The following CNTNAP2 variants were observed in gnomAD, a reference collection of about 807,000 sequenced individuals.
The protein encoded by CNTNAP2 is contactin associated protein 2.
A neutral mutation model predicts 155.2 loss-of-function variants in CNTNAP2; 98 were observed. The ratio of observed to expected loss-of-function variants is 0.63; its 90% CI spans 0.54 to 0.75. The LOEUF (loss-of-function observed/expected upper bound fraction) is 0.75. CNTNAP2 is among the 30% of genes least tolerant of loss of function. The probability of loss-of-function intolerance (pLI) is 0.00; values close to 1 mark genes in which losing one functional copy is unlikely to be tolerated. For missense variants in CNTNAP2, 1,727 were observed against 1,688.1 expected (o/e 1.02, Z -0.40); for synonymous variants, 651 against 631.2 (o/e 1.03, Z -0.47).
intron 20 of CNTNAP2, among the ~76,000 whole-genome samples, chr7:148,229,983 TA>T (rs1795929768): frequency 6.6e-6 from 1 of 152,202 alleles, no homozygotes; most frequent in South Asian, 2.1e-4. Context: ...AGACATCTTT[TA>T]GGGGGAAATA....
At chr7:148,240,044 C>T (rs576461710) in intron 20 of CNTNAP2, among the ~76,000 whole-genome samples, 2 of 152,192 alleles carry the variant, frequency 1.3e-5, no homozygotes, top group Non-Finnish European at 2.9e-5. Flanking sequence ...TTTCTGAAGC[C>T]TGATTTGGAT....
chr7:147,065,009 T>C (rs940138084), intron 4 of CNTNAP2, among the ~76,000 whole-genome samples: 1 of 152,190 alleles, frequency 6.6e-6, no homozygotes, highest in African/African-American at 2.4e-5. Flanking sequence ...AAATCTGTTC[T>C]ATACATGTTT....
chr7:147,783,124 G>T (rs1174037125), intron 13 of CNTNAP2, among the ~76,000 whole-genome samples: 1 of 152,088 alleles, frequency 6.6e-6, no homozygotes, highest in Non-Finnish European at 1.5e-5. Context: ...TCCCTAGTGT[G>T]AAATCAAGAA....
At chr7:146,618,102 C>T (rs746557324) in intron 1 of CNTNAP2, among the ~76,000 whole-genome samples, 2 of 152,090 alleles carry the variant, frequency 1.3e-5, no homozygotes, top group Non-Finnish European at 2.9e-5. Flanking sequence ...TTCATCATTC[C>T]TTGAATCTTC....
At chr7:147,218,568 G>GT (rs35726360) in intron 8 of CNTNAP2, among the ~76,000 whole-genome samples, 2,560 of 148,792 alleles carry the variant, frequency 0.017, 26 homozygotes, top group South Asian at 0.047. Flanking sequence ...ATTTTTTTCT[G>GT]TTTTTTTTTT....
chr7:147,088,446 A>G (rs376644061), intron 4 of CNTNAP2, among the ~76,000 whole-genome samples: 1 of 152,216 alleles, frequency 6.6e-6, no homozygotes, highest in African/African-American at 2.4e-5. Context: ...TTGAGGTTAC[A>G]ATCAGTTTAA....
At chr7:146,988,520 A>G (rs1425974733) in intron 3 of CNTNAP2, among the ~76,000 whole-genome samples, 4 of 152,130 alleles carry the variant, frequency 2.6e-5, no homozygotes, top group Admixed American at 2.6e-4. Context: ...GTATGATTCG[A>G]GATTTCACTA....
intron 1 of CNTNAP2, among the ~76,000 whole-genome samples, chr7:146,125,432 C>T (rs1797619833): frequency 6.6e-6 from 1 of 151,476 alleles, no homozygotes; most frequent in South Asian, 2.1e-4. Context: ...AAAAATTAGC[C>T]GGGCGTTGTG....
chr7:147,637,293 T>C (rs529775231), intron 12 of CNTNAP2, among the ~76,000 whole-genome samples: 28 of 152,042 alleles, frequency 1.8e-4, no homozygotes, highest in Non-Finnish European at 4.0e-4. Context: ...TTAACCCTAG[T>C]AGTGGTGGTG....
intron 3 of CNTNAP2, among the ~76,000 whole-genome samples, chr7:146,885,876 A>G (rs1795646131): frequency 6.6e-6 from 1 of 151,750 alleles, no homozygotes; most frequent in African/African-American, 2.4e-5. Context: ...TTTGCACAGG[A>G]TAGAACTTGT....
chr7:147,067,087 C>T (rs1799794278), intron 4 of CNTNAP2, among the ~76,000 whole-genome samples: 1 of 151,952 alleles, frequency 6.6e-6, no homozygotes, highest in Non-Finnish European at 1.5e-5. Flanking sequence ...GGTCAAGAGA[C>T]CGAGGCCATC....
chr7:146,985,918 A>G (rs1410090871), intron 3 of CNTNAP2, among the ~76,000 whole-genome samples: 1 of 152,108 alleles, frequency 6.6e-6, no homozygotes, highest in Non-Finnish European at 1.5e-5. Flanking sequence ...TGTTTTTAAA[A>G]TCTTAATTAT....
intron 3 of CNTNAP2, among the ~76,000 whole-genome samples, chr7:146,926,350 T>C (rs890357133): frequency 1.1e-4 from 17 of 152,144 alleles, no homozygotes; most frequent in African/African-American, 4.1e-4. Context: ...CTTTAGTCTG[T>C]TTTTAGCTGT....
At position 148,311,271 on chromosome 7, in the gene CNTNAP2, A is replaced by C. The variant is rs1797590133; in HGVS notation, c.3475+44145A>C. ...AGGAAGTCTGGAGGTGTAGGGAGAC[A>C]GGAGGTGTTGCCTAGTCTGCATGTA... is the stretch of plus-strand genomic sequence containing the variant. On this transcript the variant is annotated intron_variant, in intron 21 of 23. Transcript: ENST00000361727. Among the ~76,000 whole-genome samples the C allele has an allele frequency of 2.0e-5, 3 of 152,136 alleles. No homozygotes were observed. In the South Asian group the frequency reaches 6.2e-4, roughly 32 times the overall value.
Position 146,907,300 on chromosome 7 carries a change from C to T in CNTNAP2, c.402+67396C>T, listed in dbSNP as rs1378401199. Among the ~76,000 whole-genome samples the T allele has an allele frequency of 1.3e-3, 185 of 143,940 alleles. 1 individual carries two copies. Among genetic ancestry groups the T allele is most frequent in the African/African-American group, 3.0e-3 (115 of 38,386 alleles). 94.4% of individuals were successfully genotyped at this position (143,940 alleles called of 152,430 possible). A position where few individuals can be genotyped will look rare whatever the true frequency, so the allele number is the denominator to read the frequency against. Reference sequence around the variant, plus strand: ...GTTCAGATTCAGGAAATACAGAGAACGCCACAAAGATACTCCTCGAGAAGA... The same window carrying T: ...GTTCAGATTCAGGAAATACAGAGAATGCCACAAAGATACTCCTCGAGAAGA... On this transcript the variant is annotated intron_variant, in intron 3 of 23. Coordinates refer to ENST00000361727, the MANE Select transcript of CNTNAP2 (RefSeq NM_014141.6).
At chr7:147,238,147 T>A (rs1803856052) in intron 8 of CNTNAP2, among the ~76,000 whole-genome samples, 1 of 152,186 alleles carries the variant, frequency 6.6e-6, no homozygotes, top group Non-Finnish European at 1.5e-5. Context: ...CCCGAGTAGC[T>A]GGGACTACAG....
At chr7:147,980,629 A>G (rs1337799293) in intron 15 of CNTNAP2, among the ~76,000 whole-genome samples, 1 of 152,032 alleles carries the variant, frequency 6.6e-6, no homozygotes, top group African/African-American at 2.4e-5. Context: ...TGTTCCCTTT[A>G]AGAATGTTCT....
At chr7:146,306,969 A>G (rs1800724550) in intron 1 of CNTNAP2, among the ~76,000 whole-genome samples, 1 of 152,190 alleles carries the variant, frequency 6.6e-6, no homozygotes, top group Non-Finnish European at 1.5e-5. Context: ...TAGTGTTGGA[A>G]GTTCTGGCCA....
At chr7:147,095,798 A>G (rs1452619189) in intron 4 of CNTNAP2, among the ~76,000 whole-genome samples, 8 of 152,142 alleles carry the variant, frequency 5.3e-5, no homozygotes, top group Admixed American at 4.6e-4. Context: ...GTTATTAACA[A>G]CACTTGATGA....
Sources: allele counts gnomAD v4.1 joint callset (sites outside exome capture counted in the v4.1 genomes callset), GRCh38; gene constraint gnomAD v4.1.1; transcripts MANE v1.5; gene names NCBI Gene and HGNC (gene_info 2026-07-23, HGNC 2026-07-21).